Variants in KCNJ3 observed in about 807,000 individuals in gnomAD.
KCNJ3 encodes potassium inwardly rectifying channel subfamily J member 3.
In KCNJ3, 4 loss-of-function variants were observed where a neutral mutation model predicts 39.2. That is an observed-to-expected ratio of 0.10 (90% CI 0.05 to 0.23). The LOEUF is 0.23. Among genes scored for constraint, KCNJ3 ranks in the 10% least tolerant of loss-of-function variants. KCNJ3 has a pLI of 1.00. For synonymous variants in KCNJ3, 230 were observed against 237.4 expected, an observed-to-expected ratio of 0.97 and a Z score of 0.29; for missense variants, 276 against 634.9, an observed-to-expected ratio of 0.43 and a Z score of 6.08.
At chr2:154,846,489 AT>A (rs958147400) in intron 2 of KCNJ3, among the ~76,000 whole-genome samples, 3 of 152,148 alleles carry the variant, frequency 2.0e-5, no homozygotes, top group African/African-American at 7.2e-5. Flanking sequence ...TACATTATAT[AT>A]TTTATCTAGT....
rs1263943194 is a variant in KCNJ3, at chr2:154,855,624, AT to A, written c.*312del. On this transcript the variant is annotated 3_prime_UTR_variant, in exon 3 of 3. Coordinates refer to ENST00000295101, the MANE Select transcript of KCNJ3 (RefSeq NM_002239.4). ...TTATATTGTATATTCTGGAAAAAAA[AT>A]ATATATATATATTTAAAGGGGAGAT... 1.5e-4 allele frequency: 14 copies of A among 94,592 alleles called. No homozygotes were observed. Among genetic ancestry groups the A allele is most frequent in the South Asian group, 2.4e-4 (1 of 4,110 alleles). The allele number at this position is 94,592 out of a possible 1,614,324, so 5.9% of individuals were successfully genotyped here.
At chr2:154,802,621 A>T (rs1686838917) in intron 2 of KCNJ3, among the ~76,000 whole-genome samples, 1 of 152,300 alleles carries the variant, frequency 6.6e-6, no homozygotes, top group Middle Eastern at 3.4e-3. Flanking sequence ...ACTTTCCTAT[A>T]ATAAAATAAT....
At chr2:154,847,102 A>G (rs184416590) in intron 2 of KCNJ3, among the ~76,000 whole-genome samples, 20 of 152,274 alleles carry the variant, frequency 1.3e-4, no homozygotes, top group Admixed American at 2.6e-4. Flanking sequence ...CATCTTTTTG[A>G]AAACTTCAGT....
Position 154,794,835 on chromosome 2 carries a change from T to C in KCNJ3, c.920-59892T>C, listed in dbSNP as rs1008986057. Among the ~76,000 whole-genome samples, 47 of 152,148 alleles carry C rather than the reference T, an allele frequency of 3.1e-4. 1 individual carries two copies. The highest frequency in any genetic ancestry group is 1.1e-3 in the African/African-American group (45 of 41,554). On this transcript the variant is annotated intron_variant, in intron 2 of 2. Coordinates refer to ENST00000295101, the MANE Select transcript of KCNJ3 (RefSeq NM_002239.4). ...TTTGTGCACAATGCTGAGGCCATAG[T>C]AGGTATTCAATAAATACTAGTGACT... is the stretch of plus-strand genomic sequence containing the variant.
At chr2:154,743,172 A>T (rs952116419) in intron 2 of KCNJ3, among the ~76,000 whole-genome samples, 2 of 151,956 alleles carry the variant, frequency 1.3e-5, no homozygotes, top group South Asian at 4.1e-4. Context: ...AAATTATTTG[A>T]CCATATACAT....
intron 2 of KCNJ3, among the ~76,000 whole-genome samples, chr2:154,825,854 C>T (rs559464858): frequency 8.0e-5 from 12 of 150,030 alleles, no homozygotes; most frequent in South Asian, 2.1e-4. Flanking sequence ...GCTGGGATTA[C>T]AGTCATGAGC....
At chr2:154,799,638 G>A (rs1686777321) in intron 2 of KCNJ3, among the ~76,000 whole-genome samples, 1 of 152,060 alleles carries the variant, frequency 6.6e-6, no homozygotes, top group Non-Finnish European at 1.5e-5. Flanking sequence ...TAGCATACAG[G>A]TCCCTCTTCC....
intron 2 of KCNJ3, among the ~76,000 whole-genome samples, chr2:154,789,846 G>T (rs1288688920): frequency 2.0e-5 from 3 of 152,004 alleles, no homozygotes; most frequent in Non-Finnish European, 4.4e-5. Context: ...CAAAAATGGT[G>T]CAATGGGGAG....
chr2:154,714,711 C>A (rs1305029959), intron 2 of KCNJ3, among the ~76,000 whole-genome samples: 1 of 152,122 alleles, frequency 6.6e-6, no homozygotes, highest in Non-Finnish European at 1.5e-5. Context: ...TTATCCCTGC[C>A]CCCTGTTTTT....
intron 2 of KCNJ3, among the ~76,000 whole-genome samples, chr2:154,716,568 AT>A (rs1159438357): frequency 6.6e-6 from 1 of 152,122 alleles, no homozygotes; most frequent in Admixed American, 6.6e-5. Flanking sequence ...TGCTCTTATA[AT>A]TAACACATTA....
At chr2:154,778,938 A>T (rs1211930026) in intron 2 of KCNJ3, among the ~76,000 whole-genome samples, 1 of 152,120 alleles carries the variant, frequency 6.6e-6, no homozygotes, top group East Asian at 1.9e-4. Context: ...GCAATGCCCT[A>T]AATTTTAGTA....
chr2:154,725,885 G>A (rs1279564205), intron 2 of KCNJ3, among the ~76,000 whole-genome samples: 4 of 152,116 alleles, frequency 2.6e-5, no homozygotes, highest in Non-Finnish European at 4.4e-5. Flanking sequence ...AACAAATGGT[G>A]CTGGGATAAT....
chr2:154,726,832 CACA>C lies in KCNJ3; in HGVS notation c.919+17014_919+17016del, dbSNP rs1558857553. 5.8e-3 allele frequency among the ~76,000 whole-genome samples: 819 copies of C among 141,146 alleles called. 3 individuals are homozygous for C. The highest frequency in any genetic ancestry group is 0.012 in the South Asian group (49 of 3,960). The allele number at this position is 141,146 out of a possible 152,430, so 92.6% of individuals were successfully genotyped here. On this transcript the variant is annotated intron_variant, in intron 2 of 2. Transcript: ENST00000295101. ...ACACACACACACACACACACACACA[CACA>C]TACACCATGGAATACTACTCAGCCA... is the stretch of plus-strand genomic sequence containing the variant.
chr2:154,835,426 GAATA>G (rs2105123664), intron 2 of KCNJ3, among the ~76,000 whole-genome samples: 1 of 50,846 alleles, frequency 2.0e-5, no homozygotes, highest in South Asian at 1.1e-3. Context: ...GATTATATAT[GAATA>G]TATAATATTC....
chr2:154,705,128 T>C (rs553353757), intron 1 of KCNJ3, among the ~76,000 whole-genome samples: 5 of 152,300 alleles, frequency 3.3e-5, no homozygotes, highest in African/African-American at 1.2e-4. Context: ...CTATTCAGAA[T>C]TCCTTAAGCC....
At chr2:154,848,503 A>C (rs777749280) in intron 2 of KCNJ3, among the ~76,000 whole-genome samples, 2 of 152,162 alleles carry the variant, frequency 1.3e-5, no homozygotes, top group Non-Finnish European at 2.9e-5. Flanking sequence ...TTTCCCGTCC[A>C]GTAGGAAGAT....
intron 2 of KCNJ3, among the ~76,000 whole-genome samples, chr2:154,747,365 T>C (rs1685766181): frequency 6.6e-6 from 1 of 152,008 alleles, no homozygotes; most frequent in Non-Finnish European, 1.5e-5. Flanking sequence ...ATTGAAAAGG[T>C]TTAATTAACA....
chr2:154,806,755 C>A (rs1216192316), intron 2 of KCNJ3, among the ~76,000 whole-genome samples: 1 of 152,150 alleles, frequency 6.6e-6, no homozygotes. Context: ...TTTACCTCAA[C>A]CATGTCTGCC....
chr2:154,781,195 G>C (rs186399346), intron 2 of KCNJ3, among the ~76,000 whole-genome samples: 1 of 152,058 alleles, frequency 6.6e-6, no homozygotes, highest in African/African-American at 2.4e-5. Flanking sequence ...AATGCAGCCC[G>C]GCCAGCACCT....
Sources: gnomAD v4.1 joint callset for allele counts (sites outside exome capture counted in the v4.1 genomes callset) on GRCh38, gnomAD v4.1.1 for gene constraint, MANE v1.5 for transcripts, NCBI Gene and HGNC (gene_info 2026-07-23, HGNC 2026-07-21) for gene names.